Variants in RYR2 observed in about 807,000 individuals in gnomAD.
RYR2 encodes the protein cardiac muscle ryanodine receptor-calcium release channel.
Under a neutral mutation model 601.1 loss-of-function variants are expected in RYR2, and 227 were observed. The ratio of observed to expected loss-of-function variants is 0.38; its 90% CI spans 0.34 to 0.42. The LOEUF (loss-of-function observed/expected upper bound fraction) is 0.42. Ranked by LOEUF, RYR2 falls within the 10% of genes least tolerant of loss-of-function variation. RYR2 has a pLI of 1.00. For missense variants in RYR2, 4,646 were observed against 6,156.5 expected, an observed-to-expected ratio of 0.75 and a Z score of 8.21; for synonymous variants, 2,223 against 2,175.1, an observed-to-expected ratio of 1.02 and a Z score of -0.61.
chr1:237,391,474 A>G (rs945262754), intron 10 of RYR2, among the ~76,000 whole-genome samples: 2 of 152,186 alleles, frequency 1.3e-5, no homozygotes, highest in Non-Finnish European at 2.9e-5. Context: ...TTAAATAACT[A>G]AAGTCCAATT....
chr1:237,409,209 T>C (rs1285956896), intron 10 of RYR2, among the ~76,000 whole-genome samples: 2 of 152,132 alleles, frequency 1.3e-5, no homozygotes, highest in Admixed American at 6.5e-5. Context: ...TCTTGAGTAG[T>C]AGTGGTGAAG....
chr1:237,272,292 A>ACTC, intron 2 of RYR2, among the ~76,000 whole-genome samples: 1 of 151,876 alleles, frequency 6.6e-6, no homozygotes, highest in Non-Finnish European at 1.5e-5. Context: ...TGCAGGGGCG[A>ACTC]TAGAGGCAAA....
At chr1:237,543,192 C>G (rs928652315) in intron 25 of RYR2, among the ~76,000 whole-genome samples, 1 of 152,106 alleles carries the variant, frequency 6.6e-6, no homozygotes, top group Non-Finnish European at 1.5e-5. Context: ...TGAAATGCCT[C>G]CTTCTTGAGA....
At chr1:237,081,532 T>C (rs1665659878) in intron 1 of RYR2, among the ~76,000 whole-genome samples, 1 of 151,150 alleles carries the variant, frequency 6.6e-6, no homozygotes, top group Non-Finnish European at 1.5e-5. Context: ...TATATATACA[T>C]GCATGTATAC....
At chr1:237,548,793 G>T (rs1470452249) in intron 26 of RYR2, among the ~76,000 whole-genome samples, 2 of 152,168 alleles carry the variant, frequency 1.3e-5, no homozygotes, top group Non-Finnish European at 2.9e-5. Flanking sequence ...GAACACATGT[G>T]AGGCACACAA....
intron 1 of RYR2, among the ~76,000 whole-genome samples, chr1:237,226,949 A>G (rs1232501584): frequency 6.6e-6 from 1 of 152,018 alleles, no homozygotes; most frequent in African/African-American, 2.4e-5. Context: ...TTGTATTTTT[A>G]GTAGAGATCT....
intron 25 of RYR2, among the ~76,000 whole-genome samples, chr1:237,547,937 A>G (rs1669993239): frequency 6.6e-6 from 1 of 152,226 alleles, no homozygotes; most frequent in South Asian, 2.1e-4. Context: ...AATGACAGTA[A>G]GGAAATAAGT....
intron 42 of RYR2, among the ~76,000 whole-genome samples, chr1:237,632,954 A>G (rs1358577578): frequency 6.6e-6 from 1 of 152,158 alleles, no homozygotes; most frequent in African/African-American, 2.4e-5. Flanking sequence ...GAAGAACTCC[A>G]GAGAGTATCT....
At chr1:237,615,820 A>T (rs551053693) in intron 37 of RYR2, among the ~76,000 whole-genome samples, 1 of 152,348 alleles carries the variant, frequency 6.6e-6, no homozygotes, top group Admixed American at 6.5e-5. Context: ...AAGAAAGAAC[A>T]TTTAGACTGG....
chr1:237,087,191 T>C lies in RYR2; in HGVS notation c.48+44622T>C, dbSNP rs568160994. On this transcript the variant is annotated intron_variant, in intron 1 of 104. Transcript: ENST00000366574. ...TTCTTCCCTCATTAGTTGCTGGTGC[T>C]TCCAGATGGCACCTGAACCAGCATC... 2.6e-5 allele frequency among the ~76,000 whole-genome samples: 4 copies of C among 152,330 alleles called. No individual in the cohort carries two copies. In the South Asian group the frequency reaches 6.2e-4, roughly 24 times the overall value.
chr1:237,388,324 C>A lies in RYR2; in HGVS notation c.773+141C>A, dbSNP rs17631087. ...CATTCATTGATTCACTGAAGTGATC[C>A]ATTTGTTGCCCCCTCTTAGCTTTTT... is the stretch of plus-strand genomic sequence containing the variant. On this transcript the variant is annotated intron_variant, in intron 10 of 104. Coordinates refer to ENST00000366574, the MANE Select transcript of RYR2 (RefSeq NM_001035.3). 50 of 689,162 alleles carry A rather than the reference C, an allele frequency of 7.3e-5. No homozygotes were observed. In the South Asian group the frequency reaches 8.7e-4, roughly 12 times the overall value. The allele number at this position is 689,162 out of a possible 1,614,324, so 42.7% of individuals were successfully genotyped here.
intron 3 of RYR2, among the ~76,000 whole-genome samples, chr1:237,353,384 C>T (rs1048262330): frequency 7.2e-5 from 11 of 151,856 alleles, no homozygotes; most frequent in African/African-American, 2.7e-4. Context: ...TGGCGGGCAC[C>T]TGTAATCCCA....
intron 25 of RYR2, among the ~76,000 whole-genome samples, chr1:237,537,147 G>A (rs1668726747): frequency 6.6e-6 from 1 of 152,094 alleles, no homozygotes; most frequent in Admixed American, 6.5e-5. Flanking sequence ...GATCAATTTA[G>A]CCTAATCTTA....
rs1665922680 is a variant in RYR2, at chr1:237,511,773, T to C, written c.2804T>C (p.Met935Thr). 1 of 1,517,928 alleles carries C rather than the reference T, an allele frequency of 6.6e-7. No individual in the cohort carries two copies. The highest frequency in any genetic ancestry group is 8.9e-7 in the Non-Finnish European group (1 of 1,121,140). The allele number at this position is 1,517,928 out of a possible 1,614,324, so 94.0% of individuals were successfully genotyped here. ...CAGGAGCGCAATTACAACTTACAAA[T>C]GTCGCTTGAGACCCTGAAGTGAGTT... ...PEQERNYNLQ[M>T]SLETLKTLLA... The change falls in exon 24 of 105, where the codon ATG (methionine) becomes ACG (threonine). Residue 935 changes from methionine (M) to threonine (T), a missense_variant. Coordinates refer to ENST00000366574, the MANE Select transcript of RYR2 (RefSeq NM_001035.3).
intron 71 of RYR2, among the ~76,000 whole-genome samples, chr1:237,715,065 A>G (rs1051756604): frequency 1.3e-5 from 2 of 148,832 alleles, no homozygotes; most frequent in Admixed American, 6.8e-5. Context: ...AGGTTAGTCC[A>G]CTTCCCTTCT....
At chr1:237,197,006 T>C (rs1680646545) in intron 1 of RYR2, among the ~76,000 whole-genome samples, 1 of 152,186 alleles carries the variant, frequency 6.6e-6, no homozygotes, top group African/African-American at 2.4e-5. Flanking sequence ...TATTCTTAAG[T>C]GTGTCATTTT....
chr1:237,351,482 A>T (rs1379286422), intron 3 of RYR2, among the ~76,000 whole-genome samples: 1 of 152,034 alleles, frequency 6.6e-6, no homozygotes. Flanking sequence ...TATAAAATTA[A>T]CAATATTAGA....
rs1160004017 is a variant in RYR2, at chr1:237,268,935, C to CAAAAAAA, written c.49-1542_49-1536dup. On this transcript the variant is annotated intron_variant, in intron 1 of 104. Transcript: ENST00000366574. Reference sequence around the variant, plus strand: ...TGGTGACAGAGGAAGACTCTTGTCTCAAAAAAAAAAAAAAAAAAAAAAAAA... The same window carrying CAAAAAAA: ...TGGTGACAGAGGAAGACTCTTGTCTCAAAAAAAAAAAAAAAAAAAAAAAAAAAAAAAA... Among the ~76,000 whole-genome samples the CAAAAAAA allele has an allele frequency of 2.2e-3, 36 of 16,114 alleles. 1 individual carries two copies. The highest frequency in any genetic ancestry group is 4.6e-3 in the South Asian group (1 of 218). The allele number at this position is 16,114 out of a possible 152,430, so 10.6% of individuals were successfully genotyped here.
At position 237,605,063 on chromosome 1, in the gene RYR2, C is replaced by T. The variant is rs565143666; in HGVS notation, c.4683+2952C>T. On this transcript the variant is annotated intron_variant, in intron 35 of 104. Coordinates refer to ENST00000366574, the MANE Select transcript of RYR2 (RefSeq NM_001035.3). The stretch of plus-strand genomic sequence containing the variant: ...TAGAAAAAGAGGGAATCCTCCCTAA[C>T]TCATTTTATGAGGCCAGCATCATCC... 4.9e-4 allele frequency among the ~76,000 whole-genome samples: 74 copies of T among 152,256 alleles called. No individual in the cohort carries two copies. The East Asian group carries it at 0.014, about 29-fold the overall frequency.
Sources: allele counts gnomAD v4.1 joint callset (sites outside exome capture counted in the v4.1 genomes callset), GRCh38; gene constraint gnomAD v4.1.1; transcripts MANE v1.5; gene names NCBI Gene and HGNC (gene_info 2026-07-23, HGNC 2026-07-21).